The following USP6 variants were observed in gnomAD, a reference collection of about 807,000 sequenced individuals.
The protein encoded by USP6 is ubiquitin carboxyl-terminal hydrolase 6.
USP6 carries 128 observed loss-of-function variants against 175.7 expected under a neutral mutation model. The ratio of observed to expected loss-of-function variants is 0.73; its 90% CI spans 0.63 to 0.84. The LOEUF (loss-of-function observed/expected upper bound fraction) is 0.84, where lower values mean the gene tolerates loss of function less well. USP6 is among the 40% of genes least tolerant of loss of function. The pLI is 0.00. For synonymous variants in USP6, 562 were observed against 630.6 expected, an observed-to-expected ratio of 0.89 and a Z score of 1.63; for missense variants, 1,498 against 1,760.3, an observed-to-expected ratio of 0.85 and a Z score of 2.67.
chr17:5,171,747 A>C (rs2074222883), intron 37 of USP6, 68 bp downstream of exon 37: 2 of 1,496,200 alleles, frequency 1.3e-6, no homozygotes, highest in Non-Finnish European at 1.9e-6. Flanking sequence ...TGTTGAAATA[A>C]TGGACTATCT....
chr17:5,122,176 C>T (rs1258003730), intron 4 of USP6, among the ~76,000 whole-genome samples: 3 of 151,782 alleles, frequency 2.0e-5, no homozygotes, highest in Non-Finnish European at 4.4e-5. Context: ...GTGGTGCACG[C>T]AGAAGAGAGG....
At chr17:5,130,174 C>A (rs868192423) in intron 9 of USP6, 85 bp downstream of exon 9, 1 of 593,634 alleles carries the variant, frequency 1.7e-6, no homozygotes, top group Admixed American at 2.8e-5. Flanking sequence ...AAGATGCCCA[C>A]CCCTGCTTGG....
At chr17:5,131,204 G>A (rs934463507) in intron 11 of USP6, among the ~76,000 whole-genome samples, 1 of 151,982 alleles carries the variant, frequency 6.6e-6, no homozygotes, top group East Asian at 1.9e-4. Flanking sequence ...CGAAGAGAAT[G>A]GGGGAGAAGA....
chr17:5,120,080 G>A (rs746690669), intron 2 of USP6, among the ~76,000 whole-genome samples: 2 of 152,184 alleles, frequency 1.3e-5, no homozygotes, highest in South Asian at 2.1e-4. Context: ...CTTCTCAGCC[G>A]AGTTCTGTGC....
At chr17:5,120,332 C>T (rs191881880) in intron 2 of USP6, among the ~76,000 whole-genome samples, 49 of 152,190 alleles carry the variant, frequency 3.2e-4, no homozygotes, top group African/African-American at 1.1e-3. Context: ...TGTGGTCATC[C>T]TCCACTGTGC....
chr17:5,164,322 A>G (rs1420607689), intron 33 of USP6, among the ~76,000 whole-genome samples: 2 of 152,234 alleles, frequency 1.3e-5, no homozygotes, highest in African/African-American at 2.4e-5. Context: ...CTAGCCAGGA[A>G]TAAGTATAAT....
At chr17:5,148,911 A>AT (rs1598054041) in intron 30 of USP6, 144 bp downstream of exon 30, 1 of 1,399,994 alleles carries the variant, frequency 7.1e-7, no homozygotes, top group Non-Finnish European at 9.4e-7. Flanking sequence ...TACAAATTTT[A>AT]TTTTTTTACT....
chr17:5,139,179 C>T (rs781662849), intron 21 of USP6, 76 bp from the exon 22 acceptor site: 3 of 1,598,250 alleles, frequency 1.9e-6, no homozygotes, highest in South Asian at 1.1e-5. Flanking sequence ...TCCAGAGATG[C>T]AGGCAGGTGG....
rs2074221057 is a variant in USP6, at chr17:5,171,691, C to A, written c.4047+12C>A. 6.2e-7 allele frequency: 1 copy of A among 1,611,798 alleles called. No individual in the cohort carries two copies. The highest frequency in any genetic ancestry group is 1.3e-5 in the African/African-American group (1 of 74,838). On this transcript the variant is annotated intron_variant, in intron 37 of 37. Transcript: ENST00000574788. ...ACAGCAGCTGTGAGGTAAACATTCT[C>A]AATCTTTGAATGAAAGTTAGAATAT...
intron 33 of USP6, among the ~76,000 whole-genome samples, chr17:5,166,582 G>A (rs1404251952): frequency 6.6e-6 from 1 of 152,082 alleles, no homozygotes; most frequent in Non-Finnish European, 1.5e-5. Context: ...GCCACAGAGA[G>A]GCAGTCAGTG....
intron 19 of USP6, 38 bp downstream of exon 19, chr17:5,137,224 C>T: frequency 6.2e-7 from 1 of 1,607,972 alleles, no homozygotes; most frequent in Admixed American, 1.7e-5. Context: ...CAGGGACCCT[C>T]CTTGCCCTGC....
chr17:5,142,325 C>A (rs1271810855), intron 24 of USP6, 72 bp from the exon 25 acceptor site: 21 of 1,498,024 alleles, frequency 1.4e-5, no homozygotes, highest in Non-Finnish European at 1.7e-5. Flanking sequence ...ATGTGAGATG[C>A]TAGGCATCTT....
At chr17:5,149,228 T>G (rs12951318) in intron 30 of USP6, among the ~76,000 whole-genome samples, 1 of 151,310 alleles carries the variant, frequency 6.6e-6, no homozygotes, top group African/African-American at 2.4e-5. Flanking sequence ...CATGGTGAAA[T>G]CCCATCTCTA....
chr17:5,172,848 T>A lies in USP6; in HGVS notation c.4091T>A (p.Leu1364His), dbSNP rs1373370026. Residue 1364 changes from leucine (L) to histidine (H), a missense_variant, in exon 38 of 38, where the codon CTT becomes CAT. Leu to His is a moderately conservative substitution (Grantham distance 99). Around this residue, in one of 2 missense-constraint regions of USP6, gnomAD observed 1,217 missense variants for 1,500.8 expected, o/e 0.81. Coordinates refer to ENST00000574788, the MANE Select transcript of USP6 (RefSeq NM_001304284.2). ...ATTGACACCGACTCTGCCTACATTC[T>A]TTTCTATGAGCAGCAGGGGATAGAC... ...DEIDTDSAYI[L>H]FYEQQGIDYA... is the part of the protein sequence containing the mutation. The A allele has an allele frequency of 6.2e-7, 1 of 1,613,828 alleles. No homozygotes were observed. The highest frequency in any genetic ancestry group is 1.3e-5 in the African/African-American group (1 of 74,922).
intron 35 of USP6, among the ~76,000 whole-genome samples, chr17:5,170,200 T>C (rs189231610): frequency 6.6e-6 from 1 of 152,244 alleles, no homozygotes; most frequent in Non-Finnish European, 1.5e-5. Context: ...TTTTTTCAAC[T>C]GAATCATCAT....
At chr17:5,125,340 T>A (rs1339520399) in intron 5 of USP6, 68 bp downstream of exon 5, 5 of 152,336 alleles carry the variant, frequency 3.3e-5, no homozygotes, top group African/African-American at 4.8e-5. Context: ...ACACAATAAA[T>A]GTAATGGGCT....
intron 30 of USP6, among the ~76,000 whole-genome samples, chr17:5,150,427 C>T (rs1331058268): frequency 6.6e-6 from 1 of 151,338 alleles, no homozygotes; most frequent in Non-Finnish European, 1.5e-5. Flanking sequence ...AAAGGTACTA[C>T]TGTATTGGTT....
In USP6 at chr17:5,132,973, T is replaced by C. The variant is rs528226318; in HGVS notation, c.259T>C (p.Tyr87His). The C allele has an allele frequency of 1.3e-5, 21 of 1,613,922 alleles. No individual in the cohort carries two copies. Among genetic ancestry groups the C allele is most frequent in the Non-Finnish European group, 1.7e-5 (20 of 1,179,914 alleles). Residue 87 changes from tyrosine to histidine, a missense_variant, in exon 13 of 38, where the codon TAT (tyrosine) becomes CAT (histidine). Physicochemically the swap from Tyr to His is moderately conservative, Grantham distance 83 (BLOSUM62 2). Coordinates refer to ENST00000574788, the MANE Select transcript of USP6 (RefSeq NM_001304284.2). This position sits in a 1 kb window ranked among gnomAD's most constrained non-coding sequence, Gnocchi z 4.7. ...GGAAATGCTGGGAGAATGGGAGACA[T>C]ATAAGCACAGTAGCAAAGTAATGTG... is the stretch of plus-strand genomic sequence containing the variant. ...WMEMLGEWETYKHSSKLIDRV... is the reference protein window; with the variant it reads ...WMEMLGEWETHKHSSKLIDRV...
chr17:5,155,619 G>GA lies in USP6; in HGVS notation c.2828+14dup, dbSNP rs1308295221. 1 of 1,612,074 alleles carries GA rather than the reference G, an allele frequency of 6.2e-7. No homozygotes were observed. The highest frequency in any genetic ancestry group is 8.5e-7 in the Non-Finnish European group (1 of 1,179,240). ...ATGCCCAGGATCGGTGAGTTCAGGGGATCCATCTAAACCTGTGGTTTCCAA... is the reference window on the plus strand; with the variant it reads ...ATGCCCAGGATCGGTGAGTTCAGGGGAATCCATCTAAACCTGTGGTTTCCAA... On this transcript the variant is annotated intron_variant, in intron 31 of 37. Coordinates refer to ENST00000574788, the MANE Select transcript of USP6 (RefSeq NM_001304284.2).
Sources: gnomAD v4.1 joint callset for allele counts (sites outside exome capture counted in the v4.1 genomes callset) on GRCh38, gnomAD v4.1.1 for gene constraint, gnomAD v4.1.1 regional missense constraint, Gnocchi (gnomAD v3.1) non-coding constraint, MANE v1.5 for transcripts, NCBI Gene and HGNC (gene_info 2026-07-23, HGNC 2026-07-21) for gene names.